TMTC2: variants seen among roughly 807,000 people sequenced by gnomAD.
TMTC2 encodes transmembrane O-mannosyltransferase targeting cadherins 2.
Under a neutral mutation model 82.4 loss-of-function variants are expected in TMTC2, and 43 were observed. That is an observed-to-expected ratio of 0.52 (90% CI 0.41 to 0.67). TMTC2 has a LOEUF of 0.67. TMTC2 is among the 30% of genes least tolerant of loss of function. TMTC2 has a pLI of 0.00. For synonymous variants in TMTC2, 408 were observed against 381.9 expected (o/e 1.07, Z -0.80); for missense variants, 919 against 1,012.4 (o/e 0.91, Z 1.25).
chr12:83,104,058 A>G (rs1314585045), intron 11 of TMTC2, among the ~76,000 whole-genome samples: 1 of 152,182 alleles, frequency 6.6e-6, no homozygotes, highest in Non-Finnish European at 1.5e-5. Context: ...CTCCAAAATA[A>G]TCTCCTTTGA....
At chr12:83,126,715 T>C (rs1434982157) in intron 11 of TMTC2, among the ~76,000 whole-genome samples, 1 of 152,008 alleles carries the variant, frequency 6.6e-6, no homozygotes, top group Non-Finnish European at 1.5e-5. Context: ...ATATAGTTTC[T>C]ACCTTGCATC....
chr12:82,992,772 C>T (rs759414721), intron 8 of TMTC2, among the ~76,000 whole-genome samples: 12 of 152,114 alleles, frequency 7.9e-5, no homozygotes, highest in South Asian at 2.1e-4. Flanking sequence ...CTAAGTGACA[C>T]AGGAATCTCC....
At position 82,876,322 on chromosome 12, in the gene TMTC2, G is replaced by A. The variant is rs530210469; in HGVS notation, c.654+18742G>A. On this transcript the variant is annotated intron_variant, in intron 2 of 11. Transcript: ENST00000321196. Reference sequence around the variant, plus strand: ...GGTAGATATGAAGTGATTGACTTTGGCAGTGAGTTCTGTGTTTTGTTTTAA... The same window carrying A: ...GGTAGATATGAAGTGATTGACTTTGACAGTGAGTTCTGTGTTTTGTTTTAA... Among the ~76,000 whole-genome samples, 3 of 152,228 alleles carry A rather than the reference G, an allele frequency of 2.0e-5. No individual in the cohort carries two copies. In the South Asian group the frequency reaches 6.2e-4, roughly 32 times the overall value.
chr12:82,850,724 A>G (rs1318634742), intron 1 of TMTC2, among the ~76,000 whole-genome samples: 2 of 152,148 alleles, frequency 1.3e-5, no homozygotes, highest in Admixed American at 6.5e-5. Flanking sequence ...TTAGTGAAAT[A>G]TTCATGACCA....
At chr12:83,048,457 TAAGA>T (rs1882221652) in intron 9 of TMTC2, among the ~76,000 whole-genome samples, 1 of 152,194 alleles carries the variant, frequency 6.6e-6, no homozygotes, top group Non-Finnish European at 1.5e-5. Context: ...TTCTGGGAGA[TAAGA>T]AAGCCACAGA....
chr12:82,872,016 C>A (rs895976415), intron 2 of TMTC2, among the ~76,000 whole-genome samples: 6 of 128,492 alleles, frequency 4.7e-5, no homozygotes, highest in South Asian at 5.4e-4. Flanking sequence ...CCCCCCCCCC[C>A]GCCCACACCC....
In TMTC2 at chr12:82,896,450, G is replaced by A; in HGVS notation, c.1287G>A (p.Met429Ile). Reference sequence around the variant, plus strand: ...AGCGAGTATTATATATTCCTAGTATGGGCTTCTGCCTACTGATTACAGTGG... The same window carrying A: ...AGCGAGTATTATATATTCCTAGTATAGGCTTCTGCCTACTGATTACAGTGG... ...IAERVLYIPS[M>I]GFCLLITVGA... Residue 429 changes from methionine (M) to isoleucine (I), a missense_variant, in exon 3 of 12, where the codon ATG becomes ATA. Met to Ile is a conservative substitution (Grantham distance 10). Coordinates refer to ENST00000321196, the MANE Select transcript of TMTC2 (RefSeq NM_152588.3). The A allele has an allele frequency of 6.2e-7, 1 of 1,614,056 alleles. No homozygotes were observed. The highest frequency in any genetic ancestry group is 1.3e-5 in the African/African-American group (1 of 74,996).
chr12:82,770,037 A>G (rs893534911), intron 1 of TMTC2, among the ~76,000 whole-genome samples: 1 of 152,230 alleles, frequency 6.6e-6, no homozygotes, highest in African/African-American at 2.4e-5. Context: ...TACCTTAAGT[A>G]TAAAATTCTA....
chr12:83,008,145 C>T (rs186431457), intron 8 of TMTC2, among the ~76,000 whole-genome samples: 7 of 152,210 alleles, frequency 4.6e-5, no homozygotes, highest in Non-Finnish European at 2.9e-5. Context: ...ACCACAGTTA[C>T]TTTTGCACCA....
chr12:82,718,407 G>A (rs901072574), intron 1 of TMTC2, among the ~76,000 whole-genome samples: 18 of 152,176 alleles, frequency 1.2e-4, no homozygotes, highest in Admixed American at 2.0e-4. Context: ...TCATATCACC[G>A]TTGTAAATCC....
At chr12:83,112,560 T>C (rs114270673) in intron 11 of TMTC2, among the ~76,000 whole-genome samples, 2,354 of 152,308 alleles carry the variant, frequency 0.015, 68 homozygotes, top group African/African-American at 0.054. Flanking sequence ...CATTATTATA[T>C]GCAATGGACA....
intron 4 of TMTC2, among the ~76,000 whole-genome samples, chr12:82,940,933 C>A (rs1448078510): frequency 6.6e-6 from 1 of 151,796 alleles, no homozygotes; most frequent in Non-Finnish European, 1.5e-5. Flanking sequence ...AACATAGTAT[C>A]ACAAATGTTA....
chr12:82,903,028 G>A (rs1049791248), intron 3 of TMTC2, among the ~76,000 whole-genome samples: 1 of 152,122 alleles, frequency 6.6e-6, no homozygotes, highest in Admixed American at 6.6e-5. Flanking sequence ...CAGCCCTGCT[G>A]GCCTCTTTGA....
At chr12:82,720,859 G>C (rs1440172853) in intron 1 of TMTC2, among the ~76,000 whole-genome samples, 1 of 152,172 alleles carries the variant, frequency 6.6e-6, no homozygotes, top group Non-Finnish European at 1.5e-5. Context: ...AAAGCAAAAA[G>C]CTCTAGATTT....
chr12:82,917,658 G>T (rs1875081377), intron 3 of TMTC2, among the ~76,000 whole-genome samples: 1 of 151,882 alleles, frequency 6.6e-6, no homozygotes, highest in Admixed American at 6.6e-5. Flanking sequence ...CTGGAGTGCA[G>T]TGGTACCATT....
intron 1 of TMTC2, among the ~76,000 whole-genome samples, chr12:82,752,771 A>G (rs1234844986): frequency 6.6e-6 from 1 of 152,010 alleles, no homozygotes; most frequent in Non-Finnish European, 1.5e-5. Context: ...TGCTTTAAAT[A>G]GGGACAGTGA....
chr12:82,811,075 C>CA (rs965873495), intron 1 of TMTC2, among the ~76,000 whole-genome samples: 2 of 151,718 alleles, frequency 1.3e-5, no homozygotes, highest in Admixed American at 6.6e-5. Context: ...ACTAAAAATA[C>CA]AAAAAAATTA....
intron 4 of TMTC2, among the ~76,000 whole-genome samples, chr12:82,940,614 T>G (rs1876665484): frequency 6.6e-6 from 1 of 152,048 alleles, no homozygotes; most frequent in Non-Finnish European, 1.5e-5. Flanking sequence ...TTTGCTTTTT[T>G]TTTTTCCTCT....
At chr12:82,687,934 G>A (rs1357854909) in intron 1 of TMTC2, among the ~76,000 whole-genome samples, 1 of 152,118 alleles carries the variant, frequency 6.6e-6, no homozygotes, top group Non-Finnish European at 1.5e-5. Context: ...GTTTCTTAGC[G>A]GAAATCCCGG....
Sources: allele counts gnomAD v4.1 joint callset (sites outside exome capture counted in the v4.1 genomes callset), GRCh38; gene constraint gnomAD v4.1.1; transcripts MANE v1.5; gene names NCBI Gene and HGNC (gene_info 2026-07-23, HGNC 2026-07-21).